The following ANTXRL variants were observed in gnomAD, a reference collection of about 807,000 sequenced individuals.
The protein encoded by ANTXRL is ANTXR like.
Under a neutral mutation model 75.4 loss-of-function variants are expected in ANTXRL, and 63 were observed. The ratio of observed to expected loss-of-function variants is 0.84; its 90% CI spans 0.68 to 1.03. The LOEUF (loss-of-function observed/expected upper bound fraction) is 1.03. Ranked by LOEUF, ANTXRL falls within the 50% of genes least tolerant of loss-of-function variation. The pLI is 0.00. For missense variants in ANTXRL, 797 were observed against 789.4 expected, an observed-to-expected ratio of 1.01 and a Z score of -0.12; for synonymous variants, 335 against 291.3, an observed-to-expected ratio of 1.15 and a Z score of -1.53.
Position 46,293,327 on chromosome 10 carries a change from TGA to T in ANTXRL, c.321-500_321-499del, listed in dbSNP as rs782477428. On this transcript the variant is annotated intron_variant, in intron 2 of 16. Transcript: ENST00000620264. ...GTGTGTGTGCGTGTGTGCCTGTGTG[TGA>T]GTGTGTGCGTGTGTGCGTGCATGTG... is the stretch of plus-strand genomic sequence containing the variant. Among the ~76,000 whole-genome samples the T allele has an allele frequency of 4.4e-4, 63 of 143,800 alleles. No homozygotes were observed. The East Asian group carries it at 0.012, about 27-fold the overall frequency. The allele number at this position is 143,800 out of a possible 152,430, so 94.3% of individuals were successfully genotyped here. A position where few individuals can be genotyped will look rare whatever the true frequency, so the allele number is the denominator to read the frequency against.
At chr10:46,319,885 T>C (rs1838900026) in intron 16 of ANTXRL, among the ~76,000 whole-genome samples, 1 of 152,156 alleles carries the variant, frequency 6.6e-6, no homozygotes, top group African/African-American at 2.4e-5. Flanking sequence ...TAAATTAAAC[T>C]TTCTGTAGTA....
At chr10:46,299,176 T>C (rs1837565810) in intron 9 of ANTXRL, among the ~76,000 whole-genome samples, 1 of 151,872 alleles carries the variant, frequency 6.6e-6, no homozygotes, top group Admixed American at 6.6e-5. Flanking sequence ...ATCAACAAAA[T>C]AGGAAACAGG....
At chr10:46,289,090 G>T (rs1431040883) in intron 1 of ANTXRL, among the ~76,000 whole-genome samples, 1 of 152,134 alleles carries the variant, frequency 6.6e-6, no homozygotes, top group African/African-American at 2.4e-5. Context: ...GAAACTTGCG[G>T]TAATCCTCCA....
chr10:46,327,831 G>A (rs561566464), intron 16 of ANTXRL, among the ~76,000 whole-genome samples: 1 of 152,240 alleles, frequency 6.6e-6, no homozygotes, highest in Admixed American at 6.5e-5. Context: ...AGCCGGGAAG[G>A]GTGGCCTTGA....
chr10:46,289,299 T>C (rs1472895380), intron 1 of ANTXRL, among the ~76,000 whole-genome samples: 1 of 152,220 alleles, frequency 6.6e-6, no homozygotes, highest in Non-Finnish European at 1.5e-5. Flanking sequence ...TTTTGAGTAA[T>C]TTTTTAATTG....
At position 46,291,846 on chromosome 10, in the gene ANTXRL, T is replaced by C. The variant is rs1353209653; in HGVS notation, c.249-212T>C. On this transcript the variant is annotated intron_variant, in intron 1 of 16. Coordinates refer to ENST00000620264, the MANE Select transcript of ANTXRL (RefSeq NM_001278688.3). ...AGGAAGCTCCTCAGTCCCAGGCAGA[T>C]GGGGCTGGGTGGTCACCTTATGCTG... Among the ~76,000 whole-genome samples the C allele has an allele frequency of 5.9e-5, 9 of 152,018 alleles. No individual in the cohort carries two copies. In the East Asian group the frequency reaches 1.7e-3, roughly 29 times the overall value.
chr10:46,308,409 C>G (rs782589626), intron 12 of ANTXRL: 51 of 322,014 alleles, frequency 1.6e-4, no homozygotes, highest in Non-Finnish European at 4.8e-5. Flanking sequence ...CCTTCCCTCC[C>G]CTCCCCTCCC....
At chr10:46,301,167 C>A (rs1554960456) in intron 9 of ANTXRL, among the ~76,000 whole-genome samples, 1 of 152,256 alleles carries the variant, frequency 6.6e-6, no homozygotes, top group Non-Finnish European at 1.5e-5. Flanking sequence ...GCCACAGGCC[C>A]AGTTGCTCCC....
intron 16 of ANTXRL, among the ~76,000 whole-genome samples, chr10:46,319,370 C>T (rs977693281): frequency 1.3e-5 from 2 of 152,068 alleles, no homozygotes; most frequent in Admixed American, 1.3e-4. Context: ...AGAAGTGAGA[C>T]CACTTATGCT....
Position 46,330,088 on chromosome 10 carries a change from A to G in ANTXRL, c.*4A>G. On this transcript the variant is annotated 3_prime_UTR_variant, in exon 17 of 17. Coordinates refer to ENST00000620264, the MANE Select transcript of ANTXRL (RefSeq NM_001278688.3). Reference sequence around the variant, plus strand: ...CCCCTCAGAGCCCAACTTCTAAGGCACCAAACACCCAAGATTAACAGGCTT... The same window carrying G: ...CCCCTCAGAGCCCAACTTCTAAGGCGCCAAACACCCAAGATTAACAGGCTT... 1 of 1,499,236 alleles carries G rather than the reference A, an allele frequency of 6.7e-7. No individual in the cohort carries two copies. The highest frequency in any genetic ancestry group is 8.9e-7 in the Non-Finnish European group (1 of 1,126,900). The allele number at this position is 1,499,236 out of a possible 1,614,324, so 92.9% of individuals were successfully genotyped here.
chr10:46,302,918 C>A, intron 10 of ANTXRL, 98 bp downstream of exon 10: 2 of 925,524 alleles, frequency 2.2e-6, no homozygotes, highest in Non-Finnish European at 3.3e-6. Flanking sequence ...CCAACCATTC[C>A]CTGTGGACCC....
At chr10:46,298,491 T>C (rs571510360) in intron 9 of ANTXRL, among the ~76,000 whole-genome samples, 1 of 150,622 alleles carries the variant, frequency 6.6e-6, no homozygotes, top group Non-Finnish European at 1.5e-5. Context: ...CATGTGGGGG[T>C]GTGAGTGTAC....
chr10:46,286,102 C>T (rs1836758389), upstream of ANTXRL, among the ~76,000 whole-genome samples: 1 of 152,146 alleles, frequency 6.6e-6, no homozygotes, highest in South Asian at 2.1e-4. Flanking sequence ...GGTCATACAG[C>T]AGTTTTGACA....
intron 10 of ANTXRL, among the ~76,000 whole-genome samples, chr10:46,306,196 G>A (rs1464855653): frequency 2.0e-5 from 3 of 152,122 alleles, no homozygotes; most frequent in African/African-American, 7.2e-5. Context: ...AATCTCAGCT[G>A]GAATGTCACC....
intron 13 of ANTXRL, among the ~76,000 whole-genome samples, chr10:46,309,593 C>A (rs1229602528): frequency 1.3e-5 from 2 of 152,218 alleles, no homozygotes; most frequent in Middle Eastern, 3.2e-3. Context: ...AGAGAGGGGC[C>A]CCCATGAGGC....
chr10:46,293,910 G>A lies in ANTXRL; in HGVS notation c.392+10G>A, dbSNP rs1366155679. 13 of 1,535,202 alleles carry A rather than the reference G, an allele frequency of 8.5e-6. No individual in the cohort carries two copies. The highest frequency in any genetic ancestry group is 4.1e-5 in the African/African-American group (3 of 72,966). On this transcript the variant is annotated intron_variant, in intron 3 of 16. Coordinates refer to ENST00000620264, the MANE Select transcript of ANTXRL (RefSeq NM_001278688.3). ...CACTCACCTCAGACAAGTGAGTGCT[G>A]CTTTGAGCCCCAAAGGGAGGCCTGA...
intron 16 of ANTXRL, among the ~76,000 whole-genome samples, chr10:46,322,326 C>T (rs756152250): frequency 6.6e-6 from 1 of 151,890 alleles, no homozygotes. Context: ...GGTGTGGTGG[C>T]GTATGCCTGT....
chr10:46,296,827 A>G (rs1335821431), intron 5 of ANTXRL, among the ~76,000 whole-genome samples: 1 of 152,140 alleles, frequency 6.6e-6, no homozygotes, highest in Non-Finnish European at 1.5e-5. Flanking sequence ...CTCTGCTTAC[A>G]GCAAGACCTG....
chr10:46,316,210 C>T (rs555561791), intron 16 of ANTXRL, among the ~76,000 whole-genome samples: 41 of 152,172 alleles, frequency 2.7e-4, no homozygotes, highest in East Asian at 1.9e-3. Context: ...GAGTTTAATT[C>T]GTGTGCGCAC....
Sources: gnomAD v4.1 joint callset for allele counts (sites outside exome capture counted in the v4.1 genomes callset) on GRCh38, gnomAD v4.1.1 for gene constraint, MANE v1.5 for transcripts, NCBI Gene and HGNC (gene_info 2026-07-23, HGNC 2026-07-21) for gene names.